RYR2: variants seen among roughly 807,000 people sequenced by gnomAD.
RYR2 encodes ryanodine receptor 2.
Under a neutral mutation model 601.1 loss-of-function variants are expected in RYR2, and 227 were observed. The ratio of observed to expected loss-of-function variants is 0.38; its 90% CI spans 0.34 to 0.42. The LOEUF is 0.42. RYR2 is among the 10% of genes least tolerant of loss of function. The pLI is 1.00. For synonymous variants in RYR2, 2,223 were observed against 2,175.1 expected (o/e 1.02, Z -0.61); for missense variants, 4,646 against 6,156.5 (o/e 0.75, Z 8.21).
chr1:237,106,551 GCTGT>G lies in RYR2; in HGVS notation c.48+63988_48+63991del, dbSNP rs1558243361. Among the ~76,000 whole-genome samples, 1 of 152,140 alleles carries G rather than the reference GCTGT, an allele frequency of 6.6e-6. No individual in the cohort carries two copies. The highest frequency in any genetic ancestry group is 1.5e-5 in the Non-Finnish European group (1 of 68,020). ...TCATTCTGGAAATGTGGGGGTTTTC[GCTGT>G]CTGTCAGAGAGTCGTGGAGCTGCTG... On this transcript the variant is annotated intron_variant, in intron 1 of 104. Transcript: ENST00000366574. This position sits in a 1 kb window ranked among gnomAD's most constrained non-coding sequence, Gnocchi z 4.4.
intron 16 of RYR2, among the ~76,000 whole-genome samples, chr1:237,459,860 G>A (rs1444958892): frequency 6.6e-6 from 1 of 152,186 alleles, no homozygotes; most frequent in African/African-American, 2.4e-5. Context: ...AACATGGCTA[G>A]AAGTGTGATT....
Position 237,792,378 on chromosome 1 carries a change from T to TGC in RYR2, c.13782+56_13782+57insCG, listed in dbSNP as rs1558425711. The TGC allele has an allele frequency of 5.0e-5, 43 of 864,764 alleles. 1 individual carries two copies. Among genetic ancestry groups the TGC allele is most frequent in the South Asian group, 1.7e-4 (9 of 53,690 alleles). 53.6% of individuals were successfully genotyped at this position (864,764 alleles called of 1,614,324 possible). A position where few individuals can be genotyped will look rare whatever the true frequency, so the allele number is the denominator to read the frequency against. On this transcript the variant is annotated intron_variant, in intron 94 of 104. Transcript: ENST00000366574. ...GTGTGTGTGTGTGTGTGTGTGTGTG[T>TGC]GTGCGTGTGTGTGTGTGTGCGTGTG...
intron 91 of RYR2, among the ~76,000 whole-genome samples, 155 bp downstream of exon 91, chr1:237,786,191 G>A (rs1490986543): frequency 6.6e-6 from 1 of 152,130 alleles, no homozygotes; most frequent in Non-Finnish European, 1.5e-5. Context: ...CTCTGACAGC[G>A]AGGACCTCAG....
intron 80 of RYR2, among the ~76,000 whole-genome samples, chr1:237,747,557 A>C (rs912851216): frequency 6.6e-6 from 1 of 152,160 alleles, no homozygotes; most frequent in South Asian, 2.1e-4. Flanking sequence ...CACTACCCCA[A>C]TGATGAAAAG....
intron 34 of RYR2, 133 bp downstream of exon 34, chr1:237,595,790 A>T: frequency 9.2e-7 from 1 of 1,082,318 alleles, no homozygotes; most frequent in Non-Finnish European, 1.3e-6. Context: ...AAATCAGCCG[A>T]GCAGACCTGC....
chr1:237,092,063 G>T (rs564931288), intron 1 of RYR2, among the ~76,000 whole-genome samples: 2 of 152,266 alleles, frequency 1.3e-5, no homozygotes, highest in African/African-American at 2.4e-5. Context: ...TTGACATACG[G>T]ATACAGCTGG....
chr1:237,370,805 T>C (rs972768552), intron 6 of RYR2, among the ~76,000 whole-genome samples: 13 of 151,686 alleles, frequency 8.6e-5, no homozygotes, highest in Admixed American at 7.2e-4. Context: ...GGACTACAGG[T>C]GCCCGCCACC....
intron 2 of RYR2, among the ~76,000 whole-genome samples, chr1:237,281,019 A>G (rs1233529562): frequency 6.6e-6 from 1 of 152,134 alleles, no homozygotes; most frequent in African/African-American, 2.4e-5. Flanking sequence ...TCCTGACCTT[A>G]GGTGATCCGC....
At chr1:237,416,094 A>T (rs1452728414) in intron 10 of RYR2, among the ~76,000 whole-genome samples, 1 of 152,240 alleles carries the variant, frequency 6.6e-6, no homozygotes, top group African/African-American at 2.4e-5. Flanking sequence ...GAGTTTCCAC[A>T]GTGTTAAAAA....
chr1:237,674,882 TTTG>T, intron 60 of RYR2, 36 bp downstream of exon 60: 1 of 1,182,126 alleles, frequency 8.5e-7, no homozygotes, highest in Non-Finnish European at 1.2e-6. Context: ...TAGCCCAGTG[TTTG>T]TTGTTTTTAA....
At chr1:237,520,194 AG>A (rs1666957226) in intron 24 of RYR2, among the ~76,000 whole-genome samples, 1 of 152,206 alleles carries the variant, frequency 6.6e-6, no homozygotes, top group Admixed American at 6.5e-5. Flanking sequence ...TTATCAAATA[AG>A]AGTTTTTTGT....
intron 48 of RYR2, among the ~76,000 whole-genome samples, chr1:237,646,653 A>T (rs1040586105): frequency 5.9e-5 from 9 of 152,188 alleles, no homozygotes; most frequent in Admixed American, 2.6e-4. Flanking sequence ...TTTATTTCCA[A>T]GCTAGAGTAT....
chr1:237,742,152 T>C, intron 79 of RYR2, 144 bp from the exon 80 acceptor site: 1 of 630,228 alleles, frequency 1.6e-6, no homozygotes, highest in Middle Eastern at 4.3e-4. Flanking sequence ...TTATGTCATC[T>C]AAGCATTCTA....
Position 237,506,799 on chromosome 1 carries a change from C to A in RYR2, c.2703C>A (p.Gly901=), listed in dbSNP as rs757666012. The A allele has an allele frequency of 1.2e-6, 2 of 1,613,122 alleles. No homozygotes were observed. Among genetic ancestry groups the A allele is most frequent in the South Asian group, 1.1e-5 (1 of 91,026 alleles). The change falls in exon 23 of 105, where the codon GGC becomes GGA. Residue 901 remains glycine, a synonymous_variant. Coordinates refer to ENST00000366574, the MANE Select transcript of RYR2 (RefSeq NM_001035.3). The part of the protein sequence containing the change: ...ELWVMNKIEL[G]WQYGPVRDDN... ...GGGTTATGAATAAAATTGAGCTTGG[C>A]TGGCAGTATGGTCCGGTATGTAATT... is the stretch of plus-strand genomic sequence containing the variant.
chr1:237,479,528 C>T (rs1274262466), intron 17 of RYR2, among the ~76,000 whole-genome samples: 1 of 152,152 alleles, frequency 6.6e-6, no homozygotes, highest in Non-Finnish European at 1.5e-5. Flanking sequence ...AAAATGATAG[C>T]TCTCAATAAA....
intron 2 of RYR2, among the ~76,000 whole-genome samples, chr1:237,319,181 C>T (rs1411212946): frequency 6.6e-6 from 1 of 151,904 alleles, no homozygotes; most frequent in Admixed American, 6.6e-5. Context: ...TTGATAATTT[C>T]TATTGGTTGA....
intron 1 of RYR2, among the ~76,000 whole-genome samples, chr1:237,251,437 G>A (rs1323374005): frequency 6.6e-6 from 1 of 152,124 alleles, no homozygotes; most frequent in Non-Finnish European, 1.5e-5. Flanking sequence ...CTTCCAGGTA[G>A]CATTCTACCT....
chr1:237,049,349 C>A (rs1660971489), intron 1 of RYR2, among the ~76,000 whole-genome samples: 1 of 152,188 alleles, frequency 6.6e-6, no homozygotes, highest in Non-Finnish European at 1.5e-5. Context: ...CATCCCCTTA[C>A]TTTCCTCTTT....
intron 14 of RYR2, among the ~76,000 whole-genome samples, chr1:237,452,639 G>A (rs1002014624): frequency 6.7e-6 from 1 of 149,542 alleles, no homozygotes; most frequent in African/African-American, 2.4e-5. Flanking sequence ...AGAGAGGGGA[G>A]GAACCTGTAT....
Sources: gnomAD v4.1 joint callset for allele counts (sites outside exome capture counted in the v4.1 genomes callset) on GRCh38, gnomAD v4.1.1 for gene constraint, Gnocchi (gnomAD v3.1) non-coding constraint, MANE v1.5 for transcripts, NCBI Gene and HGNC (gene_info 2026-07-23, HGNC 2026-07-21) for gene names.